MPP7: variants seen among roughly 807,000 people sequenced by gnomAD.
The protein encoded by MPP7 is MAGUK p55 scaffold protein 7, also known as MAGUK p55 subfamily member 7.
Under a neutral mutation model 76.5 loss-of-function variants are expected in MPP7, and 60 were observed. The ratio of observed to expected loss-of-function variants is 0.78; its 90% CI spans 0.64 to 0.97. The LOEUF is 0.97. Ranked by LOEUF, MPP7 falls within the 50% of genes least tolerant of loss-of-function variation. The probability of loss-of-function intolerance (pLI) is 0.00; values close to 1 mark genes in which losing one functional copy is unlikely to be tolerated. For missense variants in MPP7, 641 were observed against 694.0 expected (o/e 0.92, Z 0.86); for synonymous variants, 237 against 244.5 (o/e 0.97, Z 0.29).
At chr10:28,285,288 G>T (rs1015498914) in intron 1 of MPP7, among the ~76,000 whole-genome samples, 7 of 152,174 alleles carry the variant, frequency 4.6e-5, no homozygotes. Context: ...GGGTTAAAAT[G>T]ATTCTCCTGC....
At chr10:28,232,498 A>G (rs1459385442) in intron 2 of MPP7, among the ~76,000 whole-genome samples, 1 of 152,178 alleles carries the variant, frequency 6.6e-6, no homozygotes, top group Non-Finnish European at 1.5e-5. Flanking sequence ...ATATAGAAGA[A>G]AAAGCTTTAT....
chr10:28,113,876 G>A (rs1834580325), intron 11 of MPP7, among the ~76,000 whole-genome samples: 1 of 152,178 alleles, frequency 6.6e-6, no homozygotes, highest in African/African-American at 2.4e-5. Context: ...GGGCAGGAGA[G>A]AGGTCGAGGG....
At chr10:28,123,917 G>C in intron 8 of MPP7, 114 bp downstream of exon 8, 1 of 696,404 alleles carries the variant, frequency 1.4e-6, no homozygotes, top group Non-Finnish European at 2.5e-6. Context: ...TTAAGTGTTC[G>C]AACCCTGCAC....
At chr10:28,112,815 C>T (rs1051045460) in intron 11 of MPP7, among the ~76,000 whole-genome samples, 6 of 150,872 alleles carry the variant, frequency 4.0e-5, no homozygotes, top group African/African-American at 1.5e-4. Context: ...TCTATGAGTC[C>T]AGTACTATAA....
chr10:28,265,384 C>A (rs1217587001), intron 1 of MPP7, among the ~76,000 whole-genome samples: 2 of 152,058 alleles, frequency 1.3e-5, no homozygotes, highest in Non-Finnish European at 1.5e-5. Context: ...CTTGGCGAAA[C>A]CCCATCTCCA....
chr10:28,120,859 A>G (rs537943791), intron 8 of MPP7, among the ~76,000 whole-genome samples, 191 bp from the exon 9 acceptor site: 11 of 152,248 alleles, frequency 7.2e-5, no homozygotes, highest in Non-Finnish European at 1.6e-4. Flanking sequence ...AGTTTGTAGA[A>G]TAAGTTAAAA....
intron 2 of MPP7, among the ~76,000 whole-genome samples, chr10:28,324,165 G>A (rs1471473067): frequency 6.6e-6 from 1 of 152,122 alleles, no homozygotes; most frequent in African/African-American, 2.4e-5. Flanking sequence ...AGGTCATGAA[G>A]GTTCTGAATG....
At chr10:28,268,872 T>C (rs1589008641) in intron 1 of MPP7, among the ~76,000 whole-genome samples, 3 of 151,408 alleles carry the variant, frequency 2.0e-5, no homozygotes, top group South Asian at 4.2e-4. Context: ...TGAGCCAAGA[T>C]TGCGCCACTG....
At chr10:28,112,306 G>T (rs1834529638) in intron 11 of MPP7, among the ~76,000 whole-genome samples, 1 of 152,112 alleles carries the variant, frequency 6.6e-6, no homozygotes, top group African/African-American at 2.4e-5. Context: ...TAAACATAGA[G>T]TCTATTTTTT....
intron 3 of MPP7, among the ~76,000 whole-genome samples, chr10:28,183,980 A>G (rs2133917663): frequency 6.6e-6 from 1 of 152,262 alleles, no homozygotes; most frequent in Middle Eastern, 3.4e-3. Flanking sequence ...TTTAAAGCAC[A>G]TTTCATCTAT....
chr10:28,073,783 AT>A lies in MPP7; in HGVS notation c.1124-3932del, dbSNP rs901554641. Among the ~76,000 whole-genome samples the A allele has an allele frequency of 7.1e-3, 1,062 of 149,686 alleles. 14 individuals are homozygous for A. Among genetic ancestry groups the A allele is most frequent in the African/African-American group, 0.025 (1,004 of 40,682 alleles). On this transcript the variant is annotated intron_variant, in intron 12 of 16. Coordinates refer to ENST00000683449, the MANE Select transcript of MPP7 (RefSeq NM_001318170.2). ...GACTGCATCTCAAGAAAAAAAAAAT[AT>A]TTTTTTTTTACCTAGTCTACAAGGG...
chr10:28,147,756 G>C (rs538098015), intron 4 of MPP7, among the ~76,000 whole-genome samples, 193 bp from the exon 5 acceptor site: 2 of 152,292 alleles, frequency 1.3e-5, no homozygotes, highest in Non-Finnish European at 2.9e-5. Context: ...TCCGAGCCCA[G>C]GCTCTCAGCT....
chr10:28,062,120 T>C (rs1468433227), intron 13 of MPP7, among the ~76,000 whole-genome samples: 1 of 152,170 alleles, frequency 6.6e-6, no homozygotes, highest in Non-Finnish European at 1.5e-5. Context: ...TCCTGTTAAG[T>C]TCATTAAGAT....
intron 3 of MPP7, among the ~76,000 whole-genome samples, chr10:28,173,227 G>GAAAAA (rs71523597): frequency 3.4e-5 from 4 of 116,606 alleles, no homozygotes; most frequent in Non-Finnish European, 5.3e-5. Flanking sequence ...GAGTAGCGAT[G>GAAAAA]AAAAAAAAAA....
In MPP7 at chr10:28,054,130, T is replaced by G. The variant is rs199872182; in HGVS notation, c.1666A>C (p.Lys556Gln). The stretch of plus-strand genomic sequence containing the variant: ...GTCTCTAATTTGTCAAAAGTTGTTT[T>G]GAGCTCATTGAATGCCACAGTGAGG... ...DDLTVAFNELKTTFDKLETET... is the reference protein window; with the variant it reads ...DDLTVAFNELQTTFDKLETET... Residue 556 changes from lysine to glutamine, a missense_variant, in exon 17 of 17, where the codon AAA becomes CAA. Coordinates refer to ENST00000683449, the MANE Select transcript of MPP7 (RefSeq NM_001318170.2). 1.9e-6 allele frequency: 3 copies of G among 1,613,414 alleles called. No individual in the cohort carries two copies. Among genetic ancestry groups the G allele is most frequent in the East Asian group, 2.2e-5 (1 of 44,874 alleles).
At chr10:28,211,463 A>G (rs1027802221) in intron 2 of MPP7, among the ~76,000 whole-genome samples, 2 of 149,732 alleles carry the variant, frequency 1.3e-5, no homozygotes, top group African/African-American at 4.9e-5. Flanking sequence ...ATATATATAT[A>G]GAGAGAGAGA....
At chr10:28,123,462 C>CTTTTTT (rs200098933) in intron 8 of MPP7, among the ~76,000 whole-genome samples, 2 of 92,504 alleles carry the variant, frequency 2.2e-5, no homozygotes, top group African/African-American at 4.3e-5. Context: ...GTACTAAATT[C>CTTTTTT]TTTTTTTTTT....
intron 2 of MPP7, among the ~76,000 whole-genome samples, chr10:28,321,846 A>C (rs1297133183): frequency 6.6e-6 from 1 of 152,128 alleles, no homozygotes; most frequent in Non-Finnish European, 1.5e-5. Flanking sequence ...TTGGCTTCCC[A>C]AAGTGCTGAG....
chr10:28,154,538 C>G (rs1835987930), intron 3 of MPP7, among the ~76,000 whole-genome samples: 1 of 152,042 alleles, frequency 6.6e-6, no homozygotes, highest in Non-Finnish European at 1.5e-5. Flanking sequence ...TACAAAGCAC[C>G]AAAAACCGTT....
Sources: gnomAD v4.1 joint callset for allele counts (sites outside exome capture counted in the v4.1 genomes callset) on GRCh38, gnomAD v4.1.1 for gene constraint, MANE v1.5 for transcripts, NCBI Gene and HGNC (gene_info 2026-07-23, HGNC 2026-07-21) for gene names.